The following DPH6 variants were observed in gnomAD, a reference collection of about 807,000 sequenced individuals.
DPH6 encodes diphthine--ammonia ligase.
In DPH6, 33 loss-of-function variants were observed where a neutral mutation model predicts 38.2. The ratio of observed to expected loss-of-function variants is 0.86; its 90% confidence interval spans 0.65 to 1.15. DPH6 has a LOEUF of 1.15. DPH6 is among the 50% of genes most tolerant of loss of function. The pLI is 0.00. For missense variants in DPH6, 325 were observed against 320.0 expected, an observed-to-expected ratio of 1.02 and a Z score of -0.12; for synonymous variants, 108 against 103.0, an observed-to-expected ratio of 1.05 and a Z score of -0.30.
chr15:35,170,448 G>A, the DPH6 span, among the ~76,000 whole-genome samples: 4 of 152,116 alleles, frequency 2.6e-5, no homozygotes, highest in Non-Finnish European at 4.4e-5. Flanking sequence ...GAGCTGGTGT[G>A]GGGGATGACA....
At chr15:35,496,567 A>AAAAAAAAAAAAAAAAAAAAAAAT in intron 3 of DPH6, among the ~76,000 whole-genome samples, 1 of 31,014 alleles carries the variant, frequency 3.2e-5, no homozygotes, top group African/African-American at 1.4e-4. Context: ...AAAAAAAAAA[A>AAAAAAAAAAAAAAAAAAAAAAAT]ATATATATAT....
At chr15:35,212,064 T>G in the DPH6 span, among the ~76,000 whole-genome samples, 4 of 152,198 alleles carry the variant, frequency 2.6e-5, no homozygotes, top group Admixed American at 2.6e-4. Context: ...TGTGAGTGTT[T>G]TGAAATATGG....
chr15:35,252,950 ATG>A (rs1402568248), intron 3 of DPH6, among the ~76,000 whole-genome samples: 1 of 152,218 alleles, frequency 6.6e-6, no homozygotes, highest in Non-Finnish European at 1.5e-5. Flanking sequence ...ATGAGCTTCT[ATG>A]TGTTTTTAAG....
chr15:35,425,934 G>T (rs553015002), intron 5 of DPH6, among the ~76,000 whole-genome samples: 2 of 150,894 alleles, frequency 1.3e-5, no homozygotes, highest in African/African-American at 4.8e-5. Flanking sequence ...AAAATGATAT[G>T]CTAGCAATAA....
At chr15:35,436,639 C>T (rs915096576) in intron 5 of DPH6, among the ~76,000 whole-genome samples, 4 of 151,872 alleles carry the variant, frequency 2.6e-5, no homozygotes, top group Admixed American at 2.6e-4. Context: ...TAAGAGGTTT[C>T]TTGCTCAGGC....
intron 3 of DPH6, among the ~76,000 whole-genome samples, chr15:35,482,469 CAAT>C (rs2054339524): frequency 2.6e-5 from 4 of 151,908 alleles, no homozygotes; most frequent in Non-Finnish European, 5.9e-5. Context: ...TATAAAACCA[CAAT>C]AATAAAAATA....
chr15:35,232,059 A>G (rs2051521652), intron 3 of DPH6, among the ~76,000 whole-genome samples: 1 of 152,188 alleles, frequency 6.6e-6, no homozygotes, highest in South Asian at 2.1e-4. Context: ...ACTGGGAGTG[A>G]ACTGGAAAGA....
intron 3 of DPH6, among the ~76,000 whole-genome samples, chr15:35,283,442 G>A (rs753761974): frequency 1.3e-4 from 19 of 151,440 alleles, no homozygotes; most frequent in Middle Eastern, 3.4e-3. Context: ...GACCACAGGC[G>A]CCCACCACCA....
chr15:35,381,980 T>C (rs1333707051), intron 6 of DPH6, 64 bp from the exon 7 acceptor site: 4 of 1,206,380 alleles, frequency 3.3e-6, no homozygotes, highest in Admixed American at 2.1e-5. Context: ...AAATGCTCTC[T>C]TATCTGGTAC....
At chr15:35,158,658 G>A in the DPH6 span, among the ~76,000 whole-genome samples, 7 of 151,996 alleles carry the variant, frequency 4.6e-5, no homozygotes, top group African/African-American at 1.7e-4. Context: ...TGTTGGGAAA[G>A]CTATTTTTCA....
In DPH6 at chr15:35,298,936, C is replaced by G. The variant is rs574983356; in HGVS notation, n.200+74585G>C. ...GAAGTGGGTGAGGCAATGGCAGCTC[C>G]GCCCATACTTGTTTTCCTCTTCTCT... On this transcript the variant is annotated intron_variant and non_coding_transcript_variant, in intron 3 of 3. Coordinates refer to the DPH6 transcript ENST00000560386. The G allele has an allele frequency of 6.6e-5, 52 of 791,814 alleles. 5 individuals carry two copies. The highest frequency in any genetic ancestry group is 3.2e-4 in the East Asian group (13 of 41,252). 49.0% of individuals were successfully genotyped at this position (791,814 alleles called of 1,614,324 possible). A position where few individuals can be genotyped will look rare whatever the true frequency, so the allele number is the denominator to read the frequency against.
At chr15:35,389,784 A>T (rs940817355) in intron 6 of DPH6, among the ~76,000 whole-genome samples, 1 of 151,858 alleles carries the variant, frequency 6.6e-6, no homozygotes, top group African/African-American at 2.4e-5. Context: ...ATGGGTCTTG[A>T]CTCTTTATCC....
intron 3 of DPH6, chr15:35,490,211 G>A: frequency 1.0e-6 from 1 of 984,014 alleles, no homozygotes. Context: ...AAGGAAGAAA[G>A]GAAGGAAGGA....
At chr15:35,508,210 C>T (rs1390695071) in intron 3 of DPH6, among the ~76,000 whole-genome samples, 2 of 152,124 alleles carry the variant, frequency 1.3e-5, no homozygotes, top group Admixed American at 1.3e-4. Context: ...CACACCAAGA[C>T]TTTGCCCAAC....
chr15:35,194,870 A>G, the DPH6 span, among the ~76,000 whole-genome samples: 3 of 152,226 alleles, frequency 2.0e-5, no homozygotes, highest in African/African-American at 7.2e-5. Context: ...ATATAGACAA[A>G]TCAGAATAAT....
At chr15:35,432,105 A>T (rs756720974) in intron 5 of DPH6, among the ~76,000 whole-genome samples, 4 of 152,224 alleles carry the variant, frequency 2.6e-5, no homozygotes, top group Non-Finnish European at 5.9e-5. Flanking sequence ...GCCATGGTAG[A>T]GAACCACTGA....
chr15:35,437,176 G>A (rs963303656), intron 5 of DPH6, among the ~76,000 whole-genome samples: 1 of 151,966 alleles, frequency 6.6e-6, no homozygotes, highest in Non-Finnish European at 1.5e-5. Flanking sequence ...ACATATCCAC[G>A]GTATTCACTA....
chr15:35,500,622 A>G (rs2054613850), intron 3 of DPH6, among the ~76,000 whole-genome samples: 1 of 152,166 alleles, frequency 6.6e-6, no homozygotes, highest in Admixed American at 6.5e-5. Context: ...TTATTTATTC[A>G]TTTGACAAAT....
At chr15:35,338,270 G>A (rs557861899) in intron 3 of DPH6, among the ~76,000 whole-genome samples, 10 of 151,664 alleles carry the variant, frequency 6.6e-5, no homozygotes, top group East Asian at 1.9e-4. Flanking sequence ...GAAAATTTTC[G>A]CAACCTACTC....
Sources: gnomAD v4.1 joint callset for allele counts (sites outside exome capture counted in the v4.1 genomes callset) on GRCh38, gnomAD v4.1.1 for gene constraint, MANE v1.5 for transcripts, NCBI Gene and HGNC (gene_info 2026-07-23, HGNC 2026-07-21) for gene names.